Variants in RBFOX1 observed in about 807,000 individuals in gnomAD.
RBFOX1 encodes the protein RNA binding fox-1 homolog 1, also known as RNA binding protein fox-1 homolog 1.
A neutral mutation model predicts 57.7 loss-of-function variants in RBFOX1; 8 were observed. The observed-to-expected ratio is 0.14, with a 90% CI of 0.08 to 0.25. RBFOX1 has a LOEUF of 0.25. RBFOX1 is among the 10% of genes least tolerant of loss of function. RBFOX1 has a pLI of 1.00. For missense variants in RBFOX1, 611 were observed against 548.5 expected, an observed-to-expected ratio of 1.11 and a Z score of -1.14; for synonymous variants, 326 against 222.4, an observed-to-expected ratio of 1.47 and a Z score of -4.15.
chr16:5,474,575 AC>A (rs1007071564), intron 2 of RBFOX1, among the ~76,000 whole-genome samples: 1 of 151,722 alleles, frequency 6.6e-6, no homozygotes, highest in Non-Finnish European at 1.5e-5. Flanking sequence ...AATCTCTTGA[AC>A]CCAGGAGGCA....
At chr16:6,973,348 T>A (rs925320477) in intron 3 of RBFOX1, among the ~76,000 whole-genome samples, 4 of 152,198 alleles carry the variant, frequency 2.6e-5, no homozygotes, top group African/African-American at 7.2e-5. Flanking sequence ...AAGCAGCACT[T>A]ATTACAATGG....
intron 1 of RBFOX1, among the ~76,000 whole-genome samples, chr16:6,072,131 G>A (rs989922961): frequency 1.3e-5 from 2 of 152,162 alleles, no homozygotes; most frequent in Non-Finnish European, 2.9e-5. Flanking sequence ...ATCTTACATG[G>A]CTGCAGGCAA....
At chr16:5,912,711 C>CA (rs1049727759) in intron 4 of RBFOX1, among the ~76,000 whole-genome samples, 6 of 151,938 alleles carry the variant, frequency 3.9e-5, no homozygotes, top group Non-Finnish European at 7.4e-5. Flanking sequence ...TGGAGGCTTA[C>CA]AAAAAACATG....
chr16:5,794,349 G>A (rs142248814), intron 3 of RBFOX1, among the ~76,000 whole-genome samples: 35 of 146,524 alleles, frequency 2.4e-4, no homozygotes, highest in African/African-American at 7.1e-4. Context: ...CTAATTCCTC[G>A]TCCTCTTCCA....
chr16:5,349,788 G>C (rs2065222353), intron 1 of RBFOX1, among the ~76,000 whole-genome samples: 1 of 152,246 alleles, frequency 6.6e-6, no homozygotes, highest in Non-Finnish European at 1.5e-5. Flanking sequence ...GGGACCACAG[G>C]AGCCGGGCTG....
At chr16:6,925,010 C>G (rs920354889) in intron 3 of RBFOX1, among the ~76,000 whole-genome samples, 1 of 148,352 alleles carries the variant, frequency 6.7e-6, no homozygotes, top group Admixed American at 6.8e-5. Flanking sequence ...GTACAAAGGA[C>G]ATGAACTCAT....
rs111638061 is a variant in RBFOX1 at position 6,744,703 on chromosome 16, G to T, written c.-16+90053G>T. 9.9e-3 allele frequency among the ~76,000 whole-genome samples: 1,503 copies of T among 152,150 alleles called. 18 individuals are homozygous for T. Among genetic ancestry groups the T allele is most frequent in the Middle Eastern group, 0.031 (9 of 292 alleles). The stretch of plus-strand genomic sequence containing the variant: ...GTAGTGTTATTAAACAATGCTTGAA[G>T]AGAAATTCATAGCATTAAATACCCA... On this transcript the variant is annotated intron_variant, in intron 3 of 15. Coordinates refer to ENST00000550418, the MANE Select transcript of RBFOX1 (RefSeq NM_018723.4).
intron 3 of RBFOX1, among the ~76,000 whole-genome samples, chr16:5,626,434 G>T (rs770118338): frequency 6.6e-6 from 1 of 152,128 alleles, no homozygotes; most frequent in Non-Finnish European, 1.5e-5. Context: ...TAACCTCACT[G>T]TCACTTAATT....
At chr16:7,675,284 C>G (rs185651749) in intron 13 of RBFOX1, among the ~76,000 whole-genome samples, 2 of 152,208 alleles carry the variant, frequency 1.3e-5, no homozygotes, top group East Asian at 1.9e-4. Flanking sequence ...GGTTTTATAA[C>G]TCCTCAGCAC....
At chr16:7,283,839 C>A (rs1302418696) in intron 4 of RBFOX1, among the ~76,000 whole-genome samples, 1 of 152,172 alleles carries the variant, frequency 6.6e-6, no homozygotes, top group Admixed American at 6.5e-5. Flanking sequence ...GCACACAGTT[C>A]TTCAAGTTTC....
At chr16:5,922,311 A>G (rs564912846) in intron 4 of RBFOX1, among the ~76,000 whole-genome samples, 3 of 152,290 alleles carry the variant, frequency 2.0e-5, no homozygotes, top group African/African-American at 7.2e-5. Context: ...TCACATTTTG[A>G]CTTGAGAGCT....
At chr16:5,306,364 G>A (rs371682301) in intron 1 of RBFOX1, among the ~76,000 whole-genome samples, 4 of 150,140 alleles carry the variant, frequency 2.7e-5, no homozygotes, top group East Asian at 3.9e-4. Context: ...TTGTCACCCA[G>A]GCTGTAGTGT....
At chr16:7,104,946 T>G (rs1475287605) in intron 4 of RBFOX1, among the ~76,000 whole-genome samples, 1 of 149,234 alleles carries the variant, frequency 6.7e-6, no homozygotes, top group African/African-American at 2.6e-5. Flanking sequence ...TGCTTGTGTG[T>G]GTGTGCACGT....
At chr16:7,292,201 A>G (rs1262480880) in intron 4 of RBFOX1, among the ~76,000 whole-genome samples, 2 of 119,194 alleles carry the variant, frequency 1.7e-5, no homozygotes, top group African/African-American at 6.3e-5. Context: ...AGAACGTATT[A>G]TATATCATAT....
intron 3 of RBFOX1, among the ~76,000 whole-genome samples, chr16:5,642,928 G>A (rs935475487): frequency 2.0e-5 from 3 of 152,098 alleles, no homozygotes; most frequent in Admixed American, 1.3e-4. Flanking sequence ...GTCAATGCCC[G>A]CTCACCCACC....
Position 5,376,218 on chromosome 16 carries a change from T to G in RBFOX1, c.220-90998T>G, listed in dbSNP as rs569333188. ...GTAATCTGTCCAAGTTCACAGCTAG[T>G]AAGGGCTGGAGGCAGTGCTGGAGCC... On this transcript the variant is annotated intron_variant, in intron 1 of 2. Transcript: ENST00000585867. 6.0e-5 allele frequency among the ~76,000 whole-genome samples: 9 copies of G among 150,880 alleles called. No individual in the cohort carries two copies. In the South Asian group the frequency reaches 1.7e-3, roughly 28 times the overall value.
At chr16:6,582,540 A>G (rs973333004) in intron 2 of RBFOX1, among the ~76,000 whole-genome samples, 9 of 151,680 alleles carry the variant, frequency 5.9e-5, no homozygotes, top group Non-Finnish European at 1.2e-4. Context: ...TGCATAAAAC[A>G]TCCTTGAATC....
At chr16:6,018,682 A>C (rs550564413), upstream of RBFOX1, among the ~76,000 whole-genome samples, 1 of 152,298 alleles carries the variant, frequency 6.6e-6, no homozygotes, top group East Asian at 1.9e-4. Context: ...GACTTGCCAG[A>C]AAACTTCCTC....
intron 3 of RBFOX1, among the ~76,000 whole-genome samples, chr16:7,001,689 T>G (rs1191248731): frequency 6.6e-6 from 1 of 152,114 alleles, no homozygotes; most frequent in Non-Finnish European, 1.5e-5. Context: ...ACTCCTGACC[T>G]GAAGTGATCC....
Sources: gnomAD v4.1 joint callset for allele counts (sites outside exome capture counted in the v4.1 genomes callset) on GRCh38, gnomAD v4.1.1 for gene constraint, MANE v1.5 for transcripts, NCBI Gene and HGNC (gene_info 2026-07-23, HGNC 2026-07-21) for gene names.